Variants in CSNK2A2IP observed in about 807,000 individuals in gnomAD.
The protein encoded by CSNK2A2IP is casein kinase II subunit alpha'-interacting protein.
chr3:88,359,459 GT>G, the CSNK2A2IP span, among the ~76,000 whole-genome samples: 2 of 150,808 alleles, frequency 1.3e-5, no homozygotes, highest in Admixed American at 1.3e-4. Context: ...ACATCATTTG[GT>G]TGTTTTTTTT....
At chr3:88,359,494 A>G in the CSNK2A2IP span, among the ~76,000 whole-genome samples, 2 of 151,770 alleles carry the variant, frequency 1.3e-5, no homozygotes, top group Non-Finnish European at 1.5e-5. Flanking sequence ...TTTTTAATGT[A>G]GGCATTTATT....
chr3:88,460,673 A>C, the CSNK2A2IP span, among the ~76,000 whole-genome samples: 1 of 152,206 alleles, frequency 6.6e-6, no homozygotes, highest in Non-Finnish European at 1.5e-5. Context: ...CATCCATGCA[A>C]TCTTCATCCA....
chr3:88,409,456 C>T, the CSNK2A2IP span, among the ~76,000 whole-genome samples: 2 of 151,974 alleles, frequency 1.3e-5, no homozygotes, highest in East Asian at 3.9e-4. Flanking sequence ...CTGTTACATG[C>T]GAAAATGATT....
chr3:88,394,890 G>A, the CSNK2A2IP span, among the ~76,000 whole-genome samples: 1 of 152,198 alleles, frequency 6.6e-6, no homozygotes, highest in Non-Finnish European at 1.5e-5. Flanking sequence ...AGAGAGGAGA[G>A]GGTGGGAGGA....
chr3:88,467,050 C>G, the CSNK2A2IP span: 2 of 1,022,142 alleles, frequency 2.0e-6, no homozygotes, highest in Non-Finnish European at 2.5e-6. Flanking sequence ...CACATCTGAA[C>G]GGGATATCCA....
chr3:88,443,578 T>C, the CSNK2A2IP span, among the ~76,000 whole-genome samples: 29 of 152,042 alleles, frequency 1.9e-4, no homozygotes, highest in Non-Finnish European at 3.8e-4. Flanking sequence ...TCTTTAAAGA[T>C]AGAGAAACAG....
the CSNK2A2IP span, among the ~76,000 whole-genome samples, chr3:88,448,671 C>T: frequency 6.6e-6 from 1 of 152,204 alleles, no homozygotes; most frequent in East Asian, 1.9e-4. Flanking sequence ...TTTTCACACG[C>T]AGACATACTA....
At chr3:88,404,052 C>G in the CSNK2A2IP span, among the ~76,000 whole-genome samples, 1 of 151,588 alleles carries the variant, frequency 6.6e-6, no homozygotes, top group East Asian at 1.9e-4. Flanking sequence ...ACTTGAGGGT[C>G]TCTTTGGAAG....
the CSNK2A2IP span, among the ~76,000 whole-genome samples, chr3:88,347,187 A>T: frequency 5.9e-5 from 9 of 151,998 alleles, no homozygotes; most frequent in African/African-American, 2.2e-4. Context: ...GAGGAAAGAA[A>T]GTGGTTTCTT....
the CSNK2A2IP span, among the ~76,000 whole-genome samples, chr3:88,413,840 T>C: frequency 5.4e-4 from 82 of 152,122 alleles, no homozygotes; most frequent in Admixed American, 1.5e-3. Context: ...AAGTGACAAA[T>C]ACTTGCAACC....
the CSNK2A2IP span, among the ~76,000 whole-genome samples, chr3:88,360,620 G>A: frequency 6.6e-6 from 1 of 151,868 alleles, no homozygotes; most frequent in South Asian, 2.1e-4. Flanking sequence ...ATTCATTCAG[G>A]TACTCTGAAT....
chr3:88,365,155 A>C, the CSNK2A2IP span, among the ~76,000 whole-genome samples: 1 of 152,212 alleles, frequency 6.6e-6, no homozygotes, highest in African/African-American at 2.4e-5. Context: ...AAATAGAAAT[A>C]GATCAAAATA....
chr3:88,418,233 G>C, the CSNK2A2IP span, among the ~76,000 whole-genome samples: 2 of 152,102 alleles, frequency 1.3e-5, no homozygotes, highest in Admixed American at 1.3e-4. Context: ...GAGGTGGGGA[G>C]AGGTATTTTG....
the CSNK2A2IP span, among the ~76,000 whole-genome samples, chr3:88,406,877 T>C: frequency 6.6e-6 from 1 of 152,352 alleles, no homozygotes; most frequent in Non-Finnish European, 1.5e-5. Flanking sequence ...GATTCTGCCA[T>C]GGAATTTGCC....
the CSNK2A2IP span, among the ~76,000 whole-genome samples, chr3:88,446,025 G>GTTTTCTTTC: frequency 6.8e-5 from 2 of 29,248 alleles, no homozygotes; most frequent in Non-Finnish European, 1.8e-4. Flanking sequence ...TTCTTTCTTT[G>GTTTTCTTTC]TTTCTTTTCT....
the CSNK2A2IP span, among the ~76,000 whole-genome samples, chr3:88,370,470 T>C: frequency 4.6e-4 from 70 of 151,896 alleles, no homozygotes; most frequent in African/African-American, 1.5e-3. Context: ...TTTGTAGCTT[T>C]TCATGATAGT....
the CSNK2A2IP span, among the ~76,000 whole-genome samples, chr3:88,401,881 A>G: frequency 6.6e-6 from 1 of 152,108 alleles, no homozygotes; most frequent in Non-Finnish European, 1.5e-5. Flanking sequence ...AAGGAAGCTA[A>G]TATTTATGAA....
the CSNK2A2IP span, among the ~76,000 whole-genome samples, chr3:88,391,423 T>C: frequency 6.6e-6 from 1 of 152,144 alleles, no homozygotes; most frequent in East Asian, 1.9e-4. Flanking sequence ...TATTCATAGA[T>C]ATTACAATAG....
the CSNK2A2IP span, among the ~76,000 whole-genome samples, chr3:88,342,267 G>T: frequency 6.6e-6 from 1 of 152,012 alleles, no homozygotes; most frequent in East Asian, 1.9e-4. Context: ...ATTAAGTTTG[G>T]CCTAAAAGCT....
Sources: allele counts gnomAD v4.1 joint callset (sites outside exome capture counted in the v4.1 genomes callset), GRCh38; gene constraint gnomAD v4.1.1; transcripts MANE v1.5; gene names NCBI Gene and HGNC (gene_info 2026-07-23, HGNC 2026-07-21).